Variants in PRR13 observed in about 807,000 individuals in gnomAD.
PRR13 encodes the protein proline rich 13, also known as proline-rich protein 13.
In PRR13, 7 loss-of-function variants were observed where a neutral mutation model predicts 11.5. The ratio of observed to expected loss-of-function variants is 0.61; its 90% confidence interval spans 0.34 to 1.14. PRR13 has a LOEUF of 1.14. PRR13 is among the 50% of genes most tolerant of loss of function. The probability of loss-of-function intolerance (pLI) is 0.03; values close to 1 mark genes in which losing one functional copy is unlikely to be tolerated. For synonymous variants in PRR13, 53 were observed against 67.8 expected (o/e 0.78, Z 1.07); for missense variants, 155 against 194.4 (o/e 0.80, Z 1.21).
chr12:53,445,594 T>G (rs915105008), intron 3 of PRR13, among the ~76,000 whole-genome samples: 2 of 151,610 alleles, frequency 1.3e-5, no homozygotes, highest in African/African-American at 2.4e-5. Flanking sequence ...CTACTGTCTT[T>G]TCTTAGATTT....
At chr12:53,441,979 CT>C (rs1940301015) in intron 1 of PRR13, 187 bp downstream of exon 1, 9 of 610,230 alleles carry the variant, frequency 1.5e-5, no homozygotes, top group Admixed American at 2.9e-5. Context: ...GAGGCGTATC[CT>C]TTTTTTAGCC....
chr12:53,442,657 A>G (rs775723076), intron 1 of PRR13, 38 bp from the exon 2 acceptor site: 1 of 1,554,378 alleles, frequency 6.4e-7, no homozygotes, highest in South Asian at 1.1e-5. Flanking sequence ...TCCTACCTCT[A>G]GACCGTCATC....
At chr12:53,442,913 T>A in intron 2 of PRR13, 180 bp downstream of exon 2, 1 of 351,026 alleles carries the variant, frequency 2.8e-6, no homozygotes, top group Non-Finnish European at 4.8e-6. Flanking sequence ...TGAGATGGAG[T>A]CTCTGTTGCC....
chr12:53,442,770 T>C, intron 2 of PRR13, 37 bp downstream of exon 2: 1 of 1,586,566 alleles, frequency 6.3e-7, no homozygotes, highest in Non-Finnish European at 8.7e-7. Flanking sequence ...CCCTAACCCT[T>C]TTTCTGATGG....
At chr12:53,442,041 T>TA in intron 1 of PRR13, 2 of 572,060 alleles carry the variant, frequency 3.5e-6, no homozygotes. Context: ...GATCCTTTCT[T>TA]ACTCTGTGCG....
At chr12:53,442,670 T>C in intron 1 of PRR13, 25 bp from the exon 2 acceptor site, 1 of 1,581,754 alleles carries the variant, frequency 6.3e-7, no homozygotes, top group Non-Finnish European at 8.7e-7. Flanking sequence ...CCGTCATCTT[T>C]TTTGCCTCAT....
At chr12:53,442,947 C>G (rs1940324123) in intron 2 of PRR13, 1 of 450,488 alleles carries the variant, frequency 2.2e-6, no homozygotes, top group Non-Finnish European at 3.9e-6. Context: ...ACCTCCGCCT[C>G]CTGGGTTCAA....
intron 3 of PRR13, among the ~76,000 whole-genome samples, chr12:53,445,129 A>G (rs1592618481): frequency 1.3e-5 from 2 of 152,046 alleles, no homozygotes; most frequent in Non-Finnish European, 2.9e-5. Context: ...GGGCGGGCGG[A>G]TCACGAGGTC....
At chr12:53,443,005 T>C in intron 2 of PRR13, 1 of 389,478 alleles carries the variant, frequency 2.6e-6, no homozygotes, top group East Asian at 4.2e-5. Context: ...TACAGACGCA[T>C]GCTATCACGC....
In PRR13 at chr12:53,442,693, A is replaced by G; in HGVS notation, c.-20-2A>G. On this transcript the variant is annotated splice_acceptor_variant, in intron 1 of 3. Coordinates refer to ENST00000429243, the MANE Select transcript of PRR13 (RefSeq NM_018457.4). LOFTEE classifies it low-confidence loss of function (5UTR_SPLICE). ...TTTTTTGCCTCATTTCTTTCTCCTC[A>G]GGCTGGAGGACACACCTAAACATGT... 6.2e-7 allele frequency: 1 copy of G among 1,607,426 alleles called. No individual in the cohort carries two copies. The highest frequency in any genetic ancestry group is 1.1e-5 in the South Asian group (1 of 90,918).
intron 3 of PRR13, among the ~76,000 whole-genome samples, chr12:53,445,059 T>G (rs373580454): frequency 6.6e-6 from 1 of 152,198 alleles, no homozygotes; most frequent in African/African-American, 2.4e-5. Flanking sequence ...TTGATAGAAA[T>G]CTGAAGAGAA....
chr12:53,441,836 G>T, intron 1 of PRR13, 44 bp downstream of exon 1: 1 of 702,282 alleles, frequency 1.4e-6, no homozygotes, highest in Non-Finnish European at 2.6e-6. Context: ...TTTTCCCCTT[G>T]CTAGGTCAAG....
rs1940399471 is a variant in PRR13 at position 53,446,251 on chromosome 12, G to A, written c.*192G>A. ...AGGATTGCCATGGCCTGGCCATCTT[G>A]TTGCTGCTTGGTTAGATCATATAGC... On this transcript the variant is annotated 3_prime_UTR_variant, in exon 4 of 4. Transcript: ENST00000429243. 17 of 960,200 alleles carry A rather than the reference G, an allele frequency of 1.8e-5. No homozygotes were observed. Among genetic ancestry groups the A allele is most frequent in the Non-Finnish European group, 2.0e-5 (14 of 686,426 alleles). 59.5% of individuals were successfully genotyped at this position (960,200 alleles called of 1,614,324 possible). A position where few individuals can be genotyped will look rare whatever the true frequency, so the allele number is the denominator to read the frequency against.
chr12:53,442,959 C>T lies in PRR13; in HGVS notation c.19+226C>T, dbSNP rs186935657. 2.8e-4 allele frequency: 123 copies of T among 441,132 alleles called. 1 individual carries two copies. Among genetic ancestry groups the T allele is most frequent in the Non-Finnish European group, 4.4e-4 (110 of 250,918 alleles). The allele number at this position is 441,132 out of a possible 1,614,324, so 27.3% of individuals were successfully genotyped here. Reference sequence around the variant, plus strand: ...GCAACCTCCGCCTCCTGGGTTCAAGCGATTCTCCTGTTTCAGCCTCTGGAG... The same window carrying T: ...GCAACCTCCGCCTCCTGGGTTCAAGTGATTCTCCTGTTTCAGCCTCTGGAG... On this transcript the variant is annotated intron_variant, in intron 2 of 3. Transcript: ENST00000429243.
At chr12:53,442,405 C>A (rs1940310040) in intron 1 of PRR13, 1 of 299,600 alleles carries the variant, frequency 3.3e-6, no homozygotes, top group East Asian at 8.7e-5. Flanking sequence ...CCACCGCGCC[C>A]GGCTAATTTT....
intron 3 of PRR13, among the ~76,000 whole-genome samples, chr12:53,445,095 T>G (rs1367625949): frequency 1.3e-5 from 2 of 152,160 alleles, no homozygotes; most frequent in Non-Finnish European, 2.9e-5. Flanking sequence ...TCCACACCTG[T>G]AATCCCAGCA....
At position 53,443,472 on chromosome 12, in the gene PRR13, C is replaced by G. The variant is rs764835208; in HGVS notation, c.101C>G (p.Pro34Arg). 3 of 1,448,840 alleles carry G rather than the reference C, an allele frequency of 2.1e-6. No homozygotes were observed. Among genetic ancestry groups the G allele is most frequent in the Non-Finnish European group, 2.7e-6 (3 of 1,096,946 alleles). 89.7% of individuals were successfully genotyped at this position (1,448,840 alleles called of 1,614,324 possible). A position where few individuals can be genotyped will look rare whatever the true frequency, so the allele number is the denominator to read the frequency against. Residue 34 changes from proline to arginine, a missense_variant, in exon 3 of 4, where the codon CCA becomes CGA. Physicochemically the swap from Pro to Arg is moderately radical, Grantham distance 103. Coordinates refer to ENST00000429243, the MANE Select transcript of PRR13 (RefSeq NM_018457.4). Reference protein sequence around the residue: ...SNPAHPPPINPPFPPGPCPPP... With the variant: ...SNPAHPPPINRPFPPGPCPPP... ...CCTGCCCACCCACCACCTATTAATCCACCCTTTCCCCCAGGCCCCTGTCCT... is the reference window on the plus strand; with the variant it reads ...CCTGCCCACCCACCACCTATTAATCGACCCTTTCCCCCAGGCCCCTGTCCT...
chr12:53,443,479 T>C lies in PRR13; in HGVS notation c.108T>C (p.Phe36=). The C allele has an allele frequency of 6.9e-7, 1 of 1,449,172 alleles. No individual in the cohort carries two copies. Among genetic ancestry groups the C allele is most frequent in the Non-Finnish European group, 9.1e-7 (1 of 1,096,948 alleles). The allele number at this position is 1,449,172 out of a possible 1,614,324, so 89.8% of individuals were successfully genotyped here. A position where few individuals can be genotyped will look rare whatever the true frequency, so the allele number is the denominator to read the frequency against. The part of the protein sequence containing the change: ...PAHPPPINPP[F]PPGPCPPPPG... ...ACCCACCACCTATTAATCCACCCTT[T>C]CCCCCAGGCCCCTGTCCTCCTCCCC... The change falls in exon 3 of 4, where the codon TTT becomes TTC. Residue 36 remains phenylalanine (F), a synonymous_variant. Transcript: ENST00000429243.
chr12:53,442,882 T>A, intron 2 of PRR13, 149 bp downstream of exon 2: 1 of 608,746 alleles, frequency 1.6e-6, no homozygotes, highest in Non-Finnish European at 2.6e-6. Context: ...CTTTTTAATT[T>A]AATTTAATTT....
Sources: gnomAD v4.1 joint callset for allele counts (sites outside exome capture counted in the v4.1 genomes callset) on GRCh38, gnomAD v4.1.1 for gene constraint, MANE v1.5 for transcripts, NCBI Gene and HGNC (gene_info 2026-07-23, HGNC 2026-07-21) for gene names.